The following TMEM163 variants were observed in gnomAD, a reference collection of about 807,000 sequenced individuals.
TMEM163 encodes transmembrane protein 163.
A neutral mutation model predicts 29.3 loss-of-function variants in TMEM163; 17 were observed. The observed-to-expected ratio is 0.58, with a 90% CI of 0.40 to 0.87. The LOEUF is 0.87. TMEM163 is among the 40% of genes least tolerant of loss of function. The pLI, the probability that TMEM163 is intolerant of heterozygous loss-of-function variation, is 0.00. For missense variants in TMEM163, 303 were observed against 381.5 expected, an observed-to-expected ratio of 0.79 and a Z score of 1.71; for synonymous variants, 157 against 160.6, an observed-to-expected ratio of 0.98 and a Z score of 0.17.
At chr2:134,524,655 T>A (rs1680254739) in intron 4 of TMEM163, among the ~76,000 whole-genome samples, 2 of 150,346 alleles carry the variant, frequency 1.3e-5, no homozygotes, top group African/African-American at 4.9e-5. Flanking sequence ...TTGCTGAGGA[T>A]GATGGCTTCC....
At chr2:134,638,100 T>C (rs1683145431) in intron 2 of TMEM163, among the ~76,000 whole-genome samples, 1 of 152,248 alleles carries the variant, frequency 6.6e-6, no homozygotes. Context: ...ATATACATTG[T>C]TTTGCCTCTC....
intron 2 of TMEM163, among the ~76,000 whole-genome samples, chr2:134,647,804 C>A (rs111801752): frequency 1.3e-5 from 2 of 152,248 alleles, no homozygotes; most frequent in South Asian, 2.1e-4. Context: ...CTGTGTTCCA[C>A]CCCTCACAGA....
At chr2:134,456,849 T>C in intron 7 of TMEM163, 73 bp from the exon 8 acceptor site, 2 of 1,424,338 alleles carry the variant, frequency 1.4e-6, no homozygotes, top group Non-Finnish European at 1.9e-6. Flanking sequence ...GTATTTTCAT[T>C]TTTTTTTTCC....
intron 2 of TMEM163, among the ~76,000 whole-genome samples, chr2:134,575,603 C>T (rs150366486): frequency 1.1e-3 from 171 of 152,266 alleles, no homozygotes; most frequent in African/African-American, 3.5e-3. Flanking sequence ...ACTCGCCACA[C>T]GGAGTGAATG....
At chr2:134,459,902 G>A (rs1686494973) in intron 6 of TMEM163, among the ~76,000 whole-genome samples, 1 of 152,028 alleles carries the variant, frequency 6.6e-6, no homozygotes, top group Non-Finnish European at 1.5e-5. Context: ...CTCAGGCACA[G>A]GCTCCTCATG....
intron 2 of TMEM163, among the ~76,000 whole-genome samples, chr2:134,562,386 T>C (rs1681201935): frequency 6.6e-6 from 1 of 152,222 alleles, no homozygotes. Flanking sequence ...CCAATTATAA[T>C]TTCTGGCTTT....
chr2:134,664,061 T>C (rs930037340), intron 2 of TMEM163, among the ~76,000 whole-genome samples: 3 of 152,234 alleles, frequency 2.0e-5, no homozygotes, highest in African/African-American at 7.2e-5. Flanking sequence ...TGTCACAGCA[T>C]TTCATCTAGA....
chr2:134,551,447 C>T (rs1179045433), intron 3 of TMEM163, among the ~76,000 whole-genome samples: 6 of 152,160 alleles, frequency 3.9e-5, no homozygotes, highest in African/African-American at 9.7e-5. Flanking sequence ...CCTAAAGCTA[C>T]GCGGCGGGGG....
At chr2:134,487,561 G>A (rs972209474) in intron 5 of TMEM163, among the ~76,000 whole-genome samples, 2 of 152,252 alleles carry the variant, frequency 1.3e-5, no homozygotes, top group Admixed American at 6.5e-5. Flanking sequence ...TTTGAAATTC[G>A]TATGGAATAT....
rs114970260 is a variant in TMEM163, at chr2:134,645,323, C to T, written c.322+67877G>A. Among the ~76,000 whole-genome samples, 755 of 152,336 alleles carry T rather than the reference C, an allele frequency of 5.0e-3. 9 individuals are homozygous for T. Among genetic ancestry groups the T allele is most frequent in the African/African-American group, 0.017 (723 of 41,570 alleles). On this transcript the variant is annotated intron_variant, in intron 2 of 7. Transcript: ENST00000281924. ...CAGGCCAAATCCAGCAGCAGCTCTACTGTGCCCAGGTCCTTTTCATTGATG... is the reference window on the plus strand; with the variant it reads ...CAGGCCAAATCCAGCAGCAGCTCTATTGTGCCCAGGTCCTTTTCATTGATG...
At chr2:134,522,101 G>A (rs1440117868) in intron 4 of TMEM163, among the ~76,000 whole-genome samples, 3 of 151,892 alleles carry the variant, frequency 2.0e-5, no homozygotes, top group East Asian at 1.9e-4. Flanking sequence ...TCCTAGATCC[G>A]TGGAGAATTT....
At chr2:134,476,456 G>T (rs1023413268) in intron 5 of TMEM163, among the ~76,000 whole-genome samples, 1 of 152,104 alleles carries the variant, frequency 6.6e-6, no homozygotes, top group Non-Finnish European at 1.5e-5. Context: ...GAATTTTATT[G>T]TATGTACATT....
intron 2 of TMEM163, among the ~76,000 whole-genome samples, chr2:134,572,759 A>C (rs1681462286): frequency 6.6e-6 from 1 of 152,206 alleles, no homozygotes; most frequent in Admixed American, 6.5e-5. Flanking sequence ...TAAACCCTTC[A>C]GCGCTTAATG....
chr2:134,505,424 C>T (rs1679802266), intron 4 of TMEM163, among the ~76,000 whole-genome samples: 1 of 151,984 alleles, frequency 6.6e-6, no homozygotes, highest in Admixed American at 6.6e-5. Flanking sequence ...GAAGCTTCCA[C>T]TGTGAGGTGA....
At chr2:134,597,475 T>C (rs376907488) in intron 2 of TMEM163, among the ~76,000 whole-genome samples, 1 of 152,212 alleles carries the variant, frequency 6.6e-6, no homozygotes, top group East Asian at 1.9e-4. Context: ...CACTTGATCA[T>C]GGTGGATGAG....
At chr2:134,620,798 C>T (rs945828491) in intron 2 of TMEM163, among the ~76,000 whole-genome samples, 13 of 152,030 alleles carry the variant, frequency 8.6e-5, no homozygotes, top group African/African-American at 2.9e-4. Flanking sequence ...GAACTTAAAC[C>T]GTTACCTCAT....
Position 134,713,178 on chromosome 2 carries a change from C to A in TMEM163, c.322+22G>T, listed in dbSNP as rs201970189. ...ACGGGCAACAGCAGCACATATTGGC[C>A]GACGAGACCCTTGATACTCACTAAA... On this transcript the variant is annotated intron_variant, in intron 2 of 7. Transcript: ENST00000281924. 31 of 1,609,196 alleles carry A rather than the reference C, an allele frequency of 1.9e-5. No homozygotes were observed. In the Admixed American group the frequency reaches 4.8e-4, roughly 25 times the overall value.
chr2:134,575,799 G>A (rs771560654), intron 2 of TMEM163, among the ~76,000 whole-genome samples: 11 of 152,120 alleles, frequency 7.2e-5, no homozygotes, highest in Non-Finnish European at 1.3e-4. Flanking sequence ...CAGCAGGTGC[G>A]TGGGAGCAGG....
chr2:134,683,195 AC>A (rs961521282), intron 2 of TMEM163, among the ~76,000 whole-genome samples: 3 of 152,188 alleles, frequency 2.0e-5, no homozygotes, highest in African/African-American at 7.2e-5. Flanking sequence ...ATTTGTTCAA[AC>A]CCACAGAATG....
Sources: gnomAD v4.1 joint callset for allele counts (sites outside exome capture counted in the v4.1 genomes callset) on GRCh38, gnomAD v4.1.1 for gene constraint, MANE v1.5 for transcripts, NCBI Gene and HGNC (gene_info 2026-07-23, HGNC 2026-07-21) for gene names.